The following ATP2B2 variants were observed in gnomAD, a reference collection of about 807,000 sequenced individuals.
ATP2B2 encodes the protein plasma membrane calcium-transporting ATPase 2.
A neutral mutation model predicts 120.0 loss-of-function variants in ATP2B2; 15 were observed. The observed-to-expected ratio is 0.12, with a 90% CI of 0.08 to 0.19. ATP2B2 has a LOEUF of 0.19. ATP2B2 is among the 10% of genes least tolerant of loss of function. ATP2B2 has a pLI of 1.00. For missense variants in ATP2B2, 1,045 were observed against 1,719.8 expected, an observed-to-expected ratio of 0.61 and a Z score of 6.94; for synonymous variants, 694 against 700.3, an observed-to-expected ratio of 0.99 and a Z score of 0.14.
chr3:10,580,825 A>T (rs1467709008), intron 2 of ATP2B2, among the ~76,000 whole-genome samples: 1 of 152,208 alleles, frequency 6.6e-6, no homozygotes. Flanking sequence ...GCTTCTTGTA[A>T]GTAAAGTTTT....
In ATP2B2 at chr3:10,616,859, T is replaced by A. The variant is rs190482339; in HGVS notation, c.-415+3058A>T. Among the ~76,000 whole-genome samples the A allele has an allele frequency of 1.9e-3, 285 of 152,376 alleles. 1 individual carries two copies. The highest frequency in any genetic ancestry group is 3.4e-3 in the Non-Finnish European group (228 of 68,036). ...CCCACACTTTTGTATCTGTTTCTTC[T>A]ATCTTCTCTTTCTCTCTCTCCCCAC... On this transcript the variant is annotated intron_variant, in intron 2 of 21. Transcript: ENST00000646379.
chr3:10,642,625 C>T (rs1029322146), intron 1 of ATP2B2, among the ~76,000 whole-genome samples: 13 of 151,430 alleles, frequency 8.6e-5, no homozygotes, highest in Admixed American at 5.3e-4. Flanking sequence ...GTTTAAAAAA[C>T]ACATGATTTT....
At position 10,359,887 on chromosome 3, in the gene ATP2B2, G is replaced by A; in HGVS notation, c.1896C>T (p.Leu632=). 2.5e-6 allele frequency: 4 copies of A among 1,614,230 alleles called. No homozygotes were observed. Among genetic ancestry groups the A allele is most frequent in the Non-Finnish European group, 3.4e-6 (4 of 1,180,046 alleles). Residue 632 remains leucine, a synonymous_variant, in exon 13 of 23, where the codon CTC becomes CTT. Coordinates refer to ENST00000360273, the MANE Select transcript of ATP2B2 (RefSeq NM_001001331.4). The part of the protein sequence containing the change: ...MYSKGASEIV[L]KKCCKILNGA... ...GTGCCCTGCCCAGCGCTTACTTCTT[G>A]AGCACGATCTCAGAAGCCCCCTTGC...
In ATP2B2 at chr3:10,378,327, C is replaced by T. The variant is rs145244597; in HGVS notation, c.1126G>A (p.Ala376Thr). 6.2e-7 allele frequency: 1 copy of T among 1,609,452 alleles called. No individual in the cohort carries two copies. Among genetic ancestry groups the T allele is most frequent in the African/African-American group, 1.3e-5 (1 of 75,072 alleles). ...EGGDADDRKKASMHKKEKSVL... is the reference protein window; with the variant it reads ...EGGDADDRKKTSMHKKEKSVL... ...GACTTCTCCTTCTTGTGCATGCTGG[C>T]CTTCTTCCTGTCGTCAGCGTCGCCG... The change falls in exon 10 of 23, where the codon GCC becomes ACC. Residue 376 changes from alanine (A) to threonine (T), a missense_variant. Ala to Thr is a moderately conservative substitution (Grantham distance 58). This residue lies in a region of ATP2B2 where 145 missense variants were observed against 202.0 expected (regional missense o/e 0.72). Coordinates refer to ENST00000360273, the MANE Select transcript of ATP2B2 (RefSeq NM_001001331.4).
At chr3:10,676,107 A>T (rs192945783) in intron 1 of ATP2B2, among the ~76,000 whole-genome samples, 2 of 152,342 alleles carry the variant, frequency 1.3e-5, no homozygotes, top group African/African-American at 4.8e-5. Flanking sequence ...TGCATTGAAC[A>T]CTTAGCACAG....
At chr3:10,356,149 TGTGTGC>T (rs200163683) in intron 14 of ATP2B2, among the ~76,000 whole-genome samples, 6 of 52,512 alleles carry the variant, frequency 1.1e-4, no homozygotes, top group South Asian at 1.6e-3. Flanking sequence ...CCTTTGTGCG[TGTGTGC>T]GTGTGTGTGT....
At chr3:10,344,727 T>G (rs57822046) in intron 18 of ATP2B2, among the ~76,000 whole-genome samples, 1 of 152,160 alleles carries the variant, frequency 6.6e-6, no homozygotes, top group African/African-American at 2.4e-5. Flanking sequence ...TTTCTGCCTC[T>G]GTAAAATGAG....
chr3:10,654,585 C>A (rs553976223), intron 1 of ATP2B2, among the ~76,000 whole-genome samples: 114 of 152,092 alleles, frequency 7.5e-4, no homozygotes, highest in Non-Finnish European at 1.4e-3. Flanking sequence ...AGAGGGGATT[C>A]CAAAAAGCTA....
intron 2 of ATP2B2, among the ~76,000 whole-genome samples, chr3:10,536,233 A>C (rs976563687): frequency 1.3e-5 from 2 of 151,062 alleles, no homozygotes; most frequent in Non-Finnish European, 3.0e-5. Context: ...GAGTTTTGAG[A>C]CTTTTTTGTA....
intron 1 of ATP2B2, among the ~76,000 whole-genome samples, chr3:10,471,884 T>C (rs899230960): frequency 6.6e-6 from 1 of 151,376 alleles, no homozygotes; most frequent in Non-Finnish European, 1.5e-5. Flanking sequence ...ATCGAGACCA[T>C]CCTGGCGAAC....
intron 10 of ATP2B2, 152 bp downstream of exon 10, chr3:10,378,100 G>T: frequency 9.2e-7 from 1 of 1,088,184 alleles, no homozygotes; most frequent in African/African-American, 1.6e-5. Context: ...ACAGGACTCA[G>T]ACTGGGTGCT....
At chr3:10,556,169 G>C (rs531217814) in intron 2 of ATP2B2, among the ~76,000 whole-genome samples, 3 of 152,174 alleles carry the variant, frequency 2.0e-5, no homozygotes, top group Non-Finnish European at 2.9e-5. Context: ...CAAAGTGCTG[G>C]GATTATAGGC....
rs2060238794 is a variant in ATP2B2 at position 10,340,360 on chromosome 3, CAG to C, written c.3130-13_3130-12del. On this transcript the variant is annotated splice_polypyrimidine_tract_variant and intron_variant, in intron 20 of 22. Coordinates refer to ENST00000360273, the MANE Select transcript of ATP2B2 (RefSeq NM_001001331.4). The surrounding 1 kb of genome is among the most constrained non-coding windows in gnomAD (Gnocchi z 5.0). ...CTGCACGATCACTATCTGGAGGTCACAGGGGAGCAGAGAAAGAGAGAGAGAGA... is the reference window on the plus strand; with the variant it reads ...CTGCACGATCACTATCTGGAGGTCACGGGAGCAGAGAAAGAGAGAGAGAGA... 1.9e-6 allele frequency: 3 copies of C among 1,613,822 alleles called. No individual in the cohort carries two copies. The highest frequency in any genetic ancestry group is 1.7e-5 in the Admixed American group (1 of 60,024).
At chr3:10,406,914 C>T (rs934477159) in intron 3 of ATP2B2, among the ~76,000 whole-genome samples, 27 of 152,380 alleles carry the variant, frequency 1.8e-4, no homozygotes, top group African/African-American at 6.5e-4. Context: ...CGAGCCCCTG[C>T]TTTGTCATCT....
intron 1 of ATP2B2, among the ~76,000 whole-genome samples, chr3:10,651,405 C>T (rs2070457855): frequency 6.6e-6 from 1 of 152,180 alleles, no homozygotes; most frequent in African/African-American, 2.4e-5. Context: ...CTCACAAGAT[C>T]TGATGGTTTT....
At position 10,375,863 on chromosome 3, in the gene ATP2B2, C is replaced by T. The variant is rs1344684280; in HGVS notation, c.1202-219G>A. Among the ~76,000 whole-genome samples the T allele has an allele frequency of 6.6e-6, 1 of 152,180 alleles. No individual in the cohort carries two copies. Among genetic ancestry groups the T allele is most frequent in the Admixed American group, 6.5e-5 (1 of 15,284 alleles). ...TGTACAATGGGGATGCATACTTCCT[C>T]CCCAAGATTTTGTAAGGCTCAAATG... is the stretch of plus-strand genomic sequence containing the variant. On this transcript the variant is annotated intron_variant, in intron 10 of 22. Transcript: ENST00000360273. The surrounding 1 kb of genome is among the most constrained non-coding windows in gnomAD (Gnocchi z 4.2).
chr3:10,378,776 C>A (rs1350913730), intron 9 of ATP2B2, among the ~76,000 whole-genome samples: 1 of 152,176 alleles, frequency 6.6e-6, no homozygotes, highest in Non-Finnish European at 1.5e-5. Context: ...CCCAGCTGGT[C>A]CTTGGGACCT....
At chr3:10,366,836 G>C (rs907848106) in intron 12 of ATP2B2, among the ~76,000 whole-genome samples, 7 of 152,246 alleles carry the variant, frequency 4.6e-5, no homozygotes, top group African/African-American at 1.7e-4. Context: ...AAGGGAATCT[G>C]AGGGTGTGCC....
intron 22 of ATP2B2, chr3:10,331,844 G>T: frequency 1.3e-6 from 1 of 772,532 alleles, no homozygotes; most frequent in Non-Finnish European, 2.0e-6. Context: ...CATGCCCGTT[G>T]TCAGAGGGCT....
Sources: gnomAD v4.1 joint callset for allele counts (sites outside exome capture counted in the v4.1 genomes callset) on GRCh38, gnomAD v4.1.1 for gene constraint, gnomAD v4.1.1 regional missense constraint, Gnocchi (gnomAD v3.1) non-coding constraint, MANE v1.5 for transcripts, NCBI Gene and HGNC (gene_info 2026-07-23, HGNC 2026-07-21) for gene names.